The following KCNT2 variants were observed in gnomAD, a reference collection of about 807,000 sequenced individuals.
KCNT2 encodes potassium channel subfamily T member 2.
Under a neutral mutation model 153.8 loss-of-function variants are expected in KCNT2, and 67 were observed. The observed-to-expected ratio is 0.44, with a 90% CI of 0.36 to 0.53. The LOEUF (loss-of-function observed/expected upper bound fraction) is 0.53, where lower values mean the gene tolerates loss of function less well. Ranked by LOEUF, KCNT2 falls within the 20% of genes least tolerant of loss-of-function variation. KCNT2 has a pLI of 0.00. For missense variants in KCNT2, 975 were observed against 1,354.8 expected, an observed-to-expected ratio of 0.72 and a Z score of 4.40; for synonymous variants, 500 against 458.8, an observed-to-expected ratio of 1.09 and a Z score of -1.15.
chr1:196,555,188 GA>G (rs1257770510), intron 1 of KCNT2, among the ~76,000 whole-genome samples: 1 of 151,284 alleles, frequency 6.6e-6, no homozygotes, highest in African/African-American at 2.4e-5. Context: ...TGGAAAGGAA[GA>G]AATCACATTA....
intron 27 of KCNT2, among the ~76,000 whole-genome samples, chr1:196,233,200 G>C (rs1654112970): frequency 1.3e-5 from 2 of 151,338 alleles, no homozygotes; most frequent in Non-Finnish European, 3.0e-5. Context: ...ATCACCATCA[G>C]ATACAATTTT....
chr1:196,549,024 G>C (rs1167340759), intron 1 of KCNT2, among the ~76,000 whole-genome samples: 1 of 151,866 alleles, frequency 6.6e-6, no homozygotes, highest in Admixed American at 6.6e-5. Context: ...GGAGGGAGGA[G>C]GGATAGCATT....
chr1:196,576,669 T>A (rs1355030580), intron 1 of KCNT2, among the ~76,000 whole-genome samples: 1 of 152,122 alleles, frequency 6.6e-6, no homozygotes, highest in Non-Finnish European at 1.5e-5. Flanking sequence ...TTTCTTCTCA[T>A]CTGTACAAAC....
intron 22 of KCNT2, among the ~76,000 whole-genome samples, chr1:196,301,941 T>G (rs1227613129): frequency 1.3e-5 from 2 of 152,220 alleles, no homozygotes; most frequent in East Asian, 3.9e-4. Flanking sequence ...GGTTTTACCA[T>G]GTTGGCCACG....
At chr1:196,236,894 A>T (rs758656732) in intron 26 of KCNT2, among the ~76,000 whole-genome samples, 6 of 151,566 alleles carry the variant, frequency 4.0e-5, no homozygotes, top group Non-Finnish European at 8.9e-5. Flanking sequence ...AGTTATGTGG[A>T]TGTATATACT....
At chr1:196,538,200 C>CA (rs1321851095) in intron 1 of KCNT2, among the ~76,000 whole-genome samples, 1 of 152,078 alleles carries the variant, frequency 6.6e-6, no homozygotes, top group Non-Finnish European at 1.5e-5. Flanking sequence ...CTCCTCCATG[C>CA]AAATGGAGGA....
At chr1:196,362,995 A>G in intron 14 of KCNT2, among the ~76,000 whole-genome samples, 1 of 152,118 alleles carries the variant, frequency 6.6e-6, no homozygotes, top group Non-Finnish European at 1.5e-5. Context: ...GCACACAATT[A>G]TACTAGTTCT....
At chr1:196,318,270 A>G (rs889311553) in intron 20 of KCNT2, among the ~76,000 whole-genome samples, 1 of 151,806 alleles carries the variant, frequency 6.6e-6, no homozygotes, top group Non-Finnish European at 1.5e-5. Context: ...GTTTTAATTC[A>G]TTCAAAGAGG....
chr1:196,257,898 T>C, intron 26 of KCNT2: 1 of 973,686 alleles, frequency 1.0e-6, no homozygotes, highest in South Asian at 4.8e-5. Flanking sequence ...GGTTCTTTAC[T>C]TCTAACATGA....
chr1:196,255,387 A>C (rs1194621401), intron 26 of KCNT2, among the ~76,000 whole-genome samples: 2 of 151,774 alleles, frequency 1.3e-5, no homozygotes, highest in Admixed American at 6.6e-5. Context: ...TATTTTAAAA[A>C]TTATATTGAA....
At chr1:196,344,094 T>C (rs978072267) in intron 14 of KCNT2, among the ~76,000 whole-genome samples, 1 of 152,170 alleles carries the variant, frequency 6.6e-6, no homozygotes, top group African/African-American at 2.4e-5. Context: ...TCTACAATCT[T>C]TTGTGAGTTA....
At chr1:196,438,480 G>A (rs1674927648) in intron 8 of KCNT2, among the ~76,000 whole-genome samples, 1 of 151,678 alleles carries the variant, frequency 6.6e-6, no homozygotes, top group South Asian at 2.1e-4. Flanking sequence ...GATCATAGAA[G>A]GCTCCAAAAA....
chr1:196,489,758 A>G, intron 3 of KCNT2, 80 bp downstream of exon 3: 1 of 820,608 alleles, frequency 1.2e-6, no homozygotes. Flanking sequence ...AGCTCTACAC[A>G]ACATGCTTTA....
chr1:196,288,234 C>G (rs1659859554), intron 22 of KCNT2, among the ~76,000 whole-genome samples: 1 of 151,918 alleles, frequency 6.6e-6, no homozygotes, highest in African/African-American at 2.4e-5. Flanking sequence ...ATGGAGAGGT[C>G]AGAAATGAGA....
At chr1:196,479,806 T>C (rs540127250) in intron 4 of KCNT2, among the ~76,000 whole-genome samples, 1 of 152,228 alleles carries the variant, frequency 6.6e-6, no homozygotes. Flanking sequence ...CCAAAATCAG[T>C]ATTTCTCTTC....
At chr1:196,284,248 A>AAAAAAATATATATAT in intron 23 of KCNT2, among the ~76,000 whole-genome samples, 2 of 10,042 alleles carry the variant, frequency 2.0e-4, no homozygotes, top group African/African-American at 2.7e-4. Flanking sequence ...AAAAAAAAAA[A>AAAAAAATATATATAT]ATATATATAT....
intron 14 of KCNT2, among the ~76,000 whole-genome samples, chr1:196,353,314 T>TG (rs1283835238): frequency 6.6e-6 from 1 of 151,930 alleles, no homozygotes; most frequent in African/African-American, 2.4e-5. Context: ...CTCACTGGGC[T>TG]GGGGGTGGAT....
At chr1:196,278,529 T>C (rs1280725848) in intron 25 of KCNT2, among the ~76,000 whole-genome samples, 3 of 152,224 alleles carry the variant, frequency 2.0e-5, no homozygotes, top group Non-Finnish European at 2.9e-5. Flanking sequence ...AATCTTTATT[T>C]GCTATGGGCA....
intron 3 of KCNT2, among the ~76,000 whole-genome samples, chr1:196,486,906 T>C (rs537799831): frequency 6.6e-6 from 1 of 151,918 alleles, no homozygotes; most frequent in Non-Finnish European, 1.5e-5. Context: ...TATGAAAGCA[T>C]ATGAGTCTTG....
Sources: allele counts gnomAD v4.1 joint callset (sites outside exome capture counted in the v4.1 genomes callset), GRCh38; gene constraint gnomAD v4.1.1; transcripts MANE v1.5; gene names NCBI Gene and HGNC (gene_info 2026-07-23, HGNC 2026-07-21).